The following TCF25 variants were observed in gnomAD, a reference collection of about 807,000 sequenced individuals.
The protein encoded by TCF25 is TCF25 ribosome quality control complex subunit, also known as ribosome quality control complex subunit TCF25.
A neutral mutation model predicts 83.1 loss-of-function variants in TCF25; 41 were observed. That is an observed-to-expected ratio of 0.49 (90% CI 0.38 to 0.64). TCF25 has a LOEUF of 0.64. Ranked by LOEUF, TCF25 falls within the 30% of genes least tolerant of loss-of-function variation. TCF25 has a pLI of 0.00. For synonymous variants in TCF25, 458 were observed against 365.0 expected, an observed-to-expected ratio of 1.25 and a Z score of -2.90; for missense variants, 979 against 914.5, an observed-to-expected ratio of 1.07 and a Z score of -0.91.
chr16:89,903,951 G>A (rs542080174), intron 12 of TCF25, among the ~76,000 whole-genome samples, 167 bp from the exon 13 acceptor site: 11 of 152,316 alleles, frequency 7.2e-5, no homozygotes, highest in Admixed American at 6.5e-4. Context: ...GCCAGCAGCA[G>A]CAACTCAGAA....
chr16:89,880,354 C>T (rs1375583347), intron 1 of TCF25, among the ~76,000 whole-genome samples: 1 of 152,184 alleles, frequency 6.6e-6, no homozygotes, highest in Non-Finnish European at 1.5e-5. Context: ...GAGTCTGAGG[C>T]GGGCAGATCA....
intron 16 of TCF25, chr16:89,908,893 G>A: frequency 7.9e-7 from 1 of 1,270,268 alleles, no homozygotes; most frequent in East Asian, 5.7e-5. Flanking sequence ...GGGCTCACAG[G>A]GACTGGCTGC....
intron 2 of TCF25, chr16:89,883,775 A>G (rs1325319443): frequency 1.5e-5 from 6 of 404,496 alleles, no homozygotes; most frequent in Non-Finnish European, 2.8e-5. Context: ...TGTCCCTCCT[A>G]GCCAACCGCG....
chr16:89,873,643 C>G lies in TCF25; in HGVS notation c.-25C>G, dbSNP rs779067324. On this transcript the variant is annotated 5_prime_UTR_variant, in exon 1 of 18. Transcript: ENST00000263346. ...TTTCTGCGCTTCCTTCTCCCTCTCTCCAGACGTCGTGGTCGTTCGGTCCTA... is the reference window on the plus strand; with the variant it reads ...TTTCTGCGCTTCCTTCTCCCTCTCTGCAGACGTCGTGGTCGTTCGGTCCTA... 18 of 1,542,092 alleles carry G rather than the reference C, an allele frequency of 1.2e-5. No homozygotes were observed. Among genetic ancestry groups the G allele is most frequent in the African/African-American group, 1.1e-4 (8 of 69,704 alleles).
intron 6 of TCF25, among the ~76,000 whole-genome samples, chr16:89,892,544 C>G (rs929921496): frequency 6.6e-6 from 1 of 152,180 alleles, no homozygotes; most frequent in Non-Finnish European, 1.5e-5. Context: ...AGGCCTGGCC[C>G]AGTACCTCAA....
rs1271891360 is a variant in TCF25 at position 89,884,480 on chromosome 16, AG to A, written c.355-98del. On this transcript the variant is annotated intron_variant, in intron 2 of 17. Transcript: ENST00000263346. The stretch of plus-strand genomic sequence containing the variant: ...ACTTTTGGGACACGGAGGGAGAGGT[AG>A]GGGCTGCTTAGGTGAGGGTGGAGTC... 8.4e-6 allele frequency: 10 copies of A among 1,190,480 alleles called. No homozygotes were observed. In the East Asian group the frequency reaches 2.2e-4, roughly 26 times the overall value. 73.7% of individuals were successfully genotyped at this position (1,190,480 alleles called of 1,614,324 possible). A position where few individuals can be genotyped will look rare whatever the true frequency, so the allele number is the denominator to read the frequency against.
chr16:89,894,846 C>T (rs1186825531), intron 7 of TCF25, 192 bp from the exon 8 acceptor site: 7 of 471,192 alleles, frequency 1.5e-5, no homozygotes, highest in Admixed American at 1.1e-4. Context: ...GGTTTTGCCA[C>T]GTTGGCCAGG....
At chr16:89,894,242 A>ACGGCCCCGGACGGCCCCCGCG (rs1360302127) in intron 7 of TCF25, among the ~76,000 whole-genome samples, 12 of 143,170 alleles carry the variant, frequency 8.4e-5, no homozygotes, top group African/African-American at 2.9e-4. Flanking sequence ...CGGCCCCCAC[A>ACGGCCCCGGACGGCCCCCGCG]CGGCCCCGGA....
At position 89,873,695 on chromosome 16, in the gene TCF25, AG is replaced by A; in HGVS notation, c.34del (p.Glu12AsnfsTer53). 1.3e-6 allele frequency: 2 copies of A among 1,577,242 alleles called. No homozygotes were observed. The highest frequency in any genetic ancestry group is 1.4e-5 in the African/African-American group (1 of 72,898). ...GTCGCGCCGGGCCCTCCGGAGGCTGAGGGGGGAACAGCGCGGCCAGGAGCCC... is the reference window on the plus strand; with the variant it reads ...GTCGCGCCGGGCCCTCCGGAGGCTGAGGGGGAACAGCGCGGCCAGGAGCCC... MSRRALRRL[R>X]GEQRGQEPLG... On this transcript the variant is annotated frameshift_variant, in exon 1 of 18. Coordinates refer to ENST00000263346, the MANE Select transcript of TCF25 (RefSeq NM_014972.3). LOFTEE classifies it high-confidence loss of function.
At chr16:89,893,167 C>T (rs1230995072) in intron 6 of TCF25, among the ~76,000 whole-genome samples, 2 of 152,202 alleles carry the variant, frequency 1.3e-5, no homozygotes, top group Non-Finnish European at 1.5e-5. Flanking sequence ...GGACCTAGTC[C>T]ATGGAGGTCC....
At chr16:89,894,243 C>T (rs1046188916) in intron 7 of TCF25, among the ~76,000 whole-genome samples, 2 of 151,304 alleles carry the variant, frequency 1.3e-5, no homozygotes, top group Non-Finnish European at 2.9e-5. Context: ...GGCCCCCACA[C>T]GGCCCCGGAC....
chr16:89,888,360 G>T (rs1221204492), intron 5 of TCF25, among the ~76,000 whole-genome samples: 1 of 152,042 alleles, frequency 6.6e-6, no homozygotes, highest in Non-Finnish European at 1.5e-5. Flanking sequence ...GGCCAAGGCG[G>T]GCGGATCACC....
At chr16:89,892,888 G>A (rs150750787) in intron 6 of TCF25, among the ~76,000 whole-genome samples, 45 of 152,304 alleles carry the variant, frequency 3.0e-4, no homozygotes, top group African/African-American at 7.7e-4. Flanking sequence ...CTTGGTGATC[G>A]GCATGGCTGC....
At chr16:89,884,487 G>A in intron 2 of TCF25, 95 bp from the exon 3 acceptor site, 2 of 1,303,646 alleles carry the variant, frequency 1.5e-6, no homozygotes, top group East Asian at 2.4e-5. Context: ...GGTAGGGGCT[G>A]CTTAGGTGAG....
chr16:89,899,953 C>T (rs2044184790), intron 11 of TCF25, among the ~76,000 whole-genome samples: 1 of 152,098 alleles, frequency 6.6e-6, no homozygotes, highest in African/African-American at 2.4e-5. Context: ...AATTTTTAAG[C>T]ATTTGGCATA....
chr16:89,898,626 G>A lies in TCF25; in HGVS notation c.1092G>A (p.Leu364=), dbSNP rs764880263. The stretch of plus-strand genomic sequence containing the variant: ...AGCGAGGCTGCCCGCGCACGGCGCT[G>A]GAGTACTGCAAGCTCATCCTGAGGT... ...LEKRGCPRTA[L]EYCKLILSLE... The change falls in exon 10 of 18, where the codon CTG becomes CTA. Residue 364 remains leucine, a synonymous_variant. Coordinates refer to ENST00000263346, the MANE Select transcript of TCF25 (RefSeq NM_014972.3). The A allele has an allele frequency of 6.2e-7, 1 of 1,612,986 alleles. No homozygotes were observed. The highest frequency in any genetic ancestry group is 1.7e-5 in the Admixed American group (1 of 60,036).
intron 3 of TCF25, 92 bp downstream of exon 3, chr16:89,884,748 C>G: frequency 8.4e-7 from 1 of 1,185,402 alleles, no homozygotes; most frequent in Non-Finnish European, 1.2e-6. Context: ...GACGCCCTCT[C>G]CCTCTGTCTG....
At chr16:89,885,545 T>C (rs1223436448) in intron 3 of TCF25, among the ~76,000 whole-genome samples, 2 of 152,236 alleles carry the variant, frequency 1.3e-5, no homozygotes, top group Non-Finnish European at 2.9e-5. Flanking sequence ...TGTTGCCGTT[T>C]AGTTGGAGCC....
chr16:89,908,014 C>G (rs1350984796), intron 16 of TCF25, among the ~76,000 whole-genome samples: 9 of 144,984 alleles, frequency 6.2e-5, no homozygotes, highest in African/African-American at 2.1e-4. Flanking sequence ...CTACCGCCTC[C>G]CTCCTCCCAG....
Sources: gnomAD v4.1 joint callset for allele counts (sites outside exome capture counted in the v4.1 genomes callset) on GRCh38, gnomAD v4.1.1 for gene constraint, MANE v1.5 for transcripts, NCBI Gene and HGNC (gene_info 2026-07-23, HGNC 2026-07-21) for gene names.